The following NCOA2 variants were observed in gnomAD, a reference collection of about 807,000 sequenced individuals.
NCOA2 encodes class E basic helix-loop-helix protein 75.
Under a neutral mutation model 145.1 loss-of-function variants are expected in NCOA2, and 21 were observed. That is an observed-to-expected ratio of 0.14 (90% CI 0.10 to 0.21). The LOEUF is 0.21. NCOA2 is among the 10% of genes least tolerant of loss of function. NCOA2 has a pLI of 1.00. For missense variants in NCOA2, 1,472 were observed against 1,837.6 expected, an observed-to-expected ratio of 0.80 and a Z score of 3.64; for synonymous variants, 619 against 637.5, an observed-to-expected ratio of 0.97 and a Z score of 0.44.
chr8:70,332,406 A>G (rs1281888351), intron 1 of NCOA2, among the ~76,000 whole-genome samples: 1 of 152,170 alleles, frequency 6.6e-6, no homozygotes, highest in African/African-American at 2.4e-5. Flanking sequence ...ATATATTATA[A>G]TATGATATTT....
chr8:70,327,394 T>C (rs1806692045), intron 1 of NCOA2, among the ~76,000 whole-genome samples: 1 of 152,212 alleles, frequency 6.6e-6, no homozygotes, highest in African/African-American at 2.4e-5. Flanking sequence ...GCAAAATTCA[T>C]TAATATAATC....
At chr8:70,274,337 T>A (rs1825308778) in intron 2 of NCOA2, among the ~76,000 whole-genome samples, 1 of 152,150 alleles carries the variant, frequency 6.6e-6, no homozygotes, top group Admixed American at 6.5e-5. Context: ...CAGATCCATA[T>A]CTACTCCATT....
chr8:70,140,877 G>T (rs1253982541), intron 14 of NCOA2, among the ~76,000 whole-genome samples: 5 of 152,012 alleles, frequency 3.3e-5, no homozygotes, highest in African/African-American at 1.2e-4. Flanking sequence ...GATTACAAGC[G>T]TGAGTCACCG....
intron 1 of NCOA2, among the ~76,000 whole-genome samples, chr8:70,321,494 A>T (rs752278413): frequency 6.6e-5 from 10 of 152,092 alleles, no homozygotes; most frequent in African/African-American, 2.4e-4. Context: ...TTTGTAACCC[A>T]TAAGTATGTA....
At chr8:70,321,239 C>A (rs1164228519) in intron 1 of NCOA2, among the ~76,000 whole-genome samples, 1 of 152,076 alleles carries the variant, frequency 6.6e-6, no homozygotes, top group Non-Finnish European at 1.5e-5. Context: ...TTCAAATGTT[C>A]TCACCACATA....
chr8:70,299,553 C>T (rs972833949), intron 1 of NCOA2, among the ~76,000 whole-genome samples: 1 of 151,842 alleles, frequency 6.6e-6, no homozygotes, highest in Non-Finnish European at 1.5e-5. Flanking sequence ...ATGAGATATA[C>T]AATAAGGAAA....
chr8:70,287,312 C>T (rs961808111), intron 2 of NCOA2, among the ~76,000 whole-genome samples: 1 of 152,030 alleles, frequency 6.6e-6, no homozygotes, highest in African/African-American at 2.4e-5. Context: ...TCTCTAGTCA[C>T]TCTTAGAATG....
Position 70,166,720 on chromosome 8 carries a change from C to T in NCOA2, c.576G>A (p.Arg192=), listed in dbSNP as rs1368348403. 1.9e-6 allele frequency: 3 copies of T among 1,613,930 alleles called. No individual in the cohort carries two copies. Among genetic ancestry groups the T allele is most frequent in the Non-Finnish European group, 2.5e-6 (3 of 1,179,860 alleles). Residue 192 remains arginine (R), a synonymous_variant, in exon 7 of 23, where the codon AGG becomes AGA. Transcript: ENST00000452400. ...NGGSWSGEPP[R]RNSHTFNCRM... ...GACAATTGAAGGTATGGCTGTTCCG[C>T]CTCGGAGGTTCGCCAGACCAAGATC...
At chr8:70,125,535 C>A (rs1184496938) in intron 19 of NCOA2, among the ~76,000 whole-genome samples, 4 of 152,148 alleles carry the variant, frequency 2.6e-5, no homozygotes, top group African/African-American at 9.7e-5. Flanking sequence ...GGATTACAGG[C>A]ATGAGCCATT....
the NCOA2 span, among the ~76,000 whole-genome samples, chr8:70,453,798 A>G: frequency 1.3e-5 from 2 of 152,232 alleles, no homozygotes; most frequent in East Asian, 3.8e-4. Context: ...TTTGCCCTCA[A>G]AGACTTTACA....
At chr8:70,188,918 T>A (rs191829556) in intron 4 of NCOA2, among the ~76,000 whole-genome samples, 8 of 152,292 alleles carry the variant, frequency 5.3e-5, no homozygotes, top group Middle Eastern at 3.4e-3. Flanking sequence ...GTATTAACAG[T>A]AATAAAATTT....
At chr8:70,193,749 A>C (rs1353929010) in intron 4 of NCOA2, among the ~76,000 whole-genome samples, 1 of 152,232 alleles carries the variant, frequency 6.6e-6, no homozygotes, top group Non-Finnish European at 1.5e-5. Context: ...TGGTATGCGC[A>C]TGCCCATCTA....
Position 70,388,152 on chromosome 8 carries a change from C to CTCCCTGAT in NCOA2, c.-77+15547_-77+15548insATCAGGGA, listed in dbSNP as rs1419252750. Among the ~76,000 whole-genome samples, 1,107 of 152,294 alleles carry CTCCCTGAT rather than the reference C, an allele frequency of 7.3e-3. 12 individuals carry two copies. Among genetic ancestry groups the CTCCCTGAT allele is most frequent in the African/African-American group, 0.025 (1,036 of 41,552 alleles). On this transcript the variant is annotated intron_variant, in intron 1 of 22. Transcript: ENST00000452400. Reference sequence around the variant, plus strand: ...GTAAATAGAACTCCCTGATTCAGAACTCAAGGAAAAAACTGAAAAGGAAGC... The same window carrying CTCCCTGAT: ...GTAAATAGAACTCCCTGATTCAGAACTCCCTGATTCAAGGAAAAAACTGAAAAGGAAGC...
chr8:70,349,747 A>T (rs1809000687), intron 1 of NCOA2, among the ~76,000 whole-genome samples: 1 of 152,144 alleles, frequency 6.6e-6, no homozygotes, highest in South Asian at 2.1e-4. Flanking sequence ...GATTTTCTTT[A>T]CTATTCTATT....
At chr8:70,341,889 T>A (rs1194201033) in intron 1 of NCOA2, among the ~76,000 whole-genome samples, 1 of 152,222 alleles carries the variant, frequency 6.6e-6, no homozygotes, top group Admixed American at 6.5e-5. Context: ...ACTCAATGTA[T>A]TTTGTGCAAA....
At chr8:70,440,623 G>A in the NCOA2 span, among the ~76,000 whole-genome samples, 18 of 145,602 alleles carry the variant, frequency 1.2e-4, no homozygotes, top group Admixed American at 3.5e-4. Flanking sequence ...AAGAGAGAGC[G>A]AGAGAAAGAA....
intron 1 of NCOA2, among the ~76,000 whole-genome samples, chr8:70,320,268 A>G (rs1283632306): frequency 6.6e-6 from 1 of 152,282 alleles, no homozygotes; most frequent in Non-Finnish European, 1.5e-5. Context: ...AAGAAACTAC[A>G]TTATGAGAAA....
rs139037112 is a variant in NCOA2 at position 70,124,429 on chromosome 8, T to C, written c.4094+259A>G. On this transcript the variant is annotated intron_variant, in intron 20 of 22. Coordinates refer to ENST00000452400, the MANE Select transcript of NCOA2 (RefSeq NM_006540.4). ...CAAACTTCTAAATAAGCCAGTTTAC[T>C]TTTCCTAGAGCAGGAGTCACTAGAA... 9.9e-5 allele frequency among the ~76,000 whole-genome samples: 15 copies of C among 152,160 alleles called. No homozygotes were observed. The highest frequency in any genetic ancestry group is 1.3e-4 in the Admixed American group (2 of 15,294).
At chr8:70,402,717 GAAGGGGGCGAGAA>G (rs1358892667) in intron 1 of NCOA2, 1 of 152,244 alleles carries the variant, frequency 6.6e-6, no homozygotes, top group Non-Finnish European at 1.5e-5. Context: ...GGGGCGGAGA[GAAGGGGGCGAGAA>G]AAGGGGGCGC....
Sources: allele counts gnomAD v4.1 joint callset (sites outside exome capture counted in the v4.1 genomes callset), GRCh38; gene constraint gnomAD v4.1.1; transcripts MANE v1.5; gene names NCBI Gene and HGNC (gene_info 2026-07-23, HGNC 2026-07-21).